The following TAF4B variants were observed in gnomAD, a reference collection of about 807,000 sequenced individuals.
TAF4B encodes transcription initiation factor TFIID subunit 4B.
In TAF4B, 38 loss-of-function variants were observed where a neutral mutation model predicts 86.4. The ratio of observed to expected loss-of-function variants is 0.44; its 90% CI spans 0.34 to 0.58. The LOEUF (loss-of-function observed/expected upper bound fraction) is 0.58. TAF4B is among the 20% of genes least tolerant of loss of function. TAF4B has a pLI of 0.02. For synonymous variants in TAF4B, 388 were observed against 391.2 expected (o/e 0.99, Z 0.10); for missense variants, 988 against 1,027.6 (o/e 0.96, Z 0.53).
chr18:26,316,646 A>G (rs1024087863), intron 10 of TAF4B, among the ~76,000 whole-genome samples: 2 of 152,074 alleles, frequency 1.3e-5, no homozygotes, highest in East Asian at 1.9e-4. Flanking sequence ...CCGCCTCCCA[A>G]AGTGCTGGGA....
intron 14 of TAF4B, among the ~76,000 whole-genome samples, chr18:26,387,124 G>A (rs1978417946): frequency 6.6e-6 from 1 of 152,100 alleles, no homozygotes; most frequent in African/African-American, 2.4e-5. Context: ...GGAGTGCAGT[G>A]GCATGATCTT....
intron 1 of TAF4B, among the ~76,000 whole-genome samples, chr18:26,240,514 A>G (rs1044004680): frequency 2.0e-5 from 3 of 152,198 alleles, no homozygotes; most frequent in Non-Finnish European, 4.4e-5. Context: ...TAAATATACA[A>G]TCATGTCATC....
Position 26,241,856 on chromosome 18 carries a change from C to G in TAF4B, c.343+14580C>G, listed in dbSNP as rs2055844635. Among the ~76,000 whole-genome samples the G allele has an allele frequency of 2.0e-5, 3 of 152,196 alleles. No homozygotes were observed. The South Asian group carries it at 6.2e-4, about 32-fold the overall frequency. On this transcript the variant is annotated intron_variant, in intron 1 of 14. Transcript: ENST00000269142. ...TTTCGTTATGTATCCAGTAGTCATTCAGGAGCAGGTTGTTCAGTTTCCATG... is the reference window on the plus strand; with the variant it reads ...TTTCGTTATGTATCCAGTAGTCATTGAGGAGCAGGTTGTTCAGTTTCCATG...
At chr18:26,321,870 G>A (rs1044967253) in intron 11 of TAF4B, among the ~76,000 whole-genome samples, 1 of 152,034 alleles carries the variant, frequency 6.6e-6, no homozygotes, top group African/African-American at 2.4e-5. Flanking sequence ...ATTGCATTGA[G>A]TGCTCATATT....
At chr18:26,370,431 A>C (rs2144342372) in intron 14 of TAF4B, among the ~76,000 whole-genome samples, 1 of 152,292 alleles carries the variant, frequency 6.6e-6, no homozygotes, top group Admixed American at 6.5e-5. Flanking sequence ...TGAACTCCTC[A>C]GTTCTATTTC....
At chr18:26,292,221 A>G (rs897868077) in intron 7 of TAF4B, 25 bp from the exon 8 acceptor site, 2 of 1,609,774 alleles carry the variant, frequency 1.2e-6, no homozygotes, top group Non-Finnish European at 1.7e-6. Flanking sequence ...TTGAACAACT[A>G]TATTGATAGT....
intron 1 of TAF4B, among the ~76,000 whole-genome samples, chr18:26,258,891 G>T (rs903635525): frequency 6.6e-5 from 10 of 151,088 alleles, no homozygotes; most frequent in African/African-American, 2.4e-4. Context: ...TAGAGATGGG[G>T]TCTTGCTTTG....
chr18:26,245,151 T>C (rs2055903485), intron 1 of TAF4B, among the ~76,000 whole-genome samples: 1 of 152,054 alleles, frequency 6.6e-6, no homozygotes, highest in Non-Finnish European at 1.5e-5. Flanking sequence ...GGCCAACAGG[T>C]GCCCAGTATT....
intron 13 of TAF4B, among the ~76,000 whole-genome samples, chr18:26,346,807 A>ATATATGTG (rs2057191457): frequency 6.4e-5 from 2 of 31,456 alleles, no homozygotes; most frequent in Non-Finnish European, 9.4e-5. Flanking sequence ...ATGTGTATAT[A>ATATATGTG]TATATATATG....
intron 5 of TAF4B, among the ~76,000 whole-genome samples, chr18:26,278,554 C>T (rs889632651): frequency 6.6e-6 from 1 of 151,930 alleles, no homozygotes; most frequent in African/African-American, 2.4e-5. Context: ...AGCGATCCTG[C>T]ACCCTTGGCC....
chr18:26,346,907 G>GTGTATATATATATATATATATA (rs1171773933), intron 13 of TAF4B, among the ~76,000 whole-genome samples: 3 of 11,218 alleles, frequency 2.7e-4, no homozygotes, highest in Non-Finnish European at 2.6e-4. Flanking sequence ...ATATGTGTGT[G>GTGTATATATATATATATATATA]TATATATATA....
intron 13 of TAF4B, among the ~76,000 whole-genome samples, chr18:26,346,901 G>A (rs1310935673): frequency 0.3 from 2,220 of 7,494 alleles, 557 homozygotes; most frequent in African/African-American, 0.41. Context: ...ATATATATAT[G>A]TGTGTGTATA....
At chr18:26,306,640 C>T (rs1224538098) in intron 9 of TAF4B, among the ~76,000 whole-genome samples, 1 of 152,096 alleles carries the variant, frequency 6.6e-6, no homozygotes, top group African/African-American at 2.4e-5. Context: ...TACAAAGGTG[C>T]ACTTTTCATT....
At chr18:26,350,639 A>T (rs1371588054) in intron 13 of TAF4B, among the ~76,000 whole-genome samples, 2 of 152,202 alleles carry the variant, frequency 1.3e-5, no homozygotes, top group East Asian at 1.9e-4. Context: ...TCATGGTACT[A>T]CATACTATCA....
At chr18:26,271,502 T>C (rs899789848) in intron 3 of TAF4B, among the ~76,000 whole-genome samples, 1 of 152,256 alleles carries the variant, frequency 6.6e-6, no homozygotes, top group African/African-American at 2.4e-5. Context: ...ACACATTTAT[T>C]TCACATATAC....
rs1428551391 is a variant in TAF4B, at chr18:26,346,905, GTGTATATA to G, written c.2317-10783_2317-10776del. ...TATATATATATATATATATATGTGT[GTGTATATA>G]TATATATATAGTTTTTTGTTGTTTT... On this transcript the variant is annotated intron_variant, in intron 13 of 14. Coordinates refer to ENST00000269142, the MANE Select transcript of TAF4B (RefSeq NM_005640.3). Among the ~76,000 whole-genome samples, 31 of 7,820 alleles carry G rather than the reference GTGTATATA, an allele frequency of 4.0e-3. 7 individuals are homozygous for G. Among genetic ancestry groups the G allele is most frequent in the Admixed American group, 0.013 (11 of 870 alleles). 5.1% of individuals were successfully genotyped at this position (7,820 alleles called of 152,430 possible).
chr18:26,302,343 T>C (rs2056742931), intron 9 of TAF4B, among the ~76,000 whole-genome samples: 1 of 148,016 alleles, frequency 6.8e-6, no homozygotes, highest in Admixed American at 6.8e-5. Flanking sequence ...CTATATTGTC[T>C]TCTAAAAGTT....
At position 26,286,027 on chromosome 18, in the gene TAF4B, C is replaced by T; in HGVS notation, c.1118C>T (p.Ser373Leu). 1.2e-6 allele frequency: 2 copies of T among 1,613,730 alleles called. No individual in the cohort carries two copies. The highest frequency in any genetic ancestry group is 2.2e-5 in the East Asian group (1 of 44,826). The change falls in exon 7 of 15, where the codon TCA (serine) becomes TTA (leucine). Residue 373 changes from serine to leucine, a missense_variant. By Grantham distance (145) the Ser-to-Leu change is moderately radical. Transcript: ENST00000269142. ...TSPVVTTTVS[S>L]SQSEKSIIVS... Reference sequence around the variant, plus strand: ...CCTGTGGTGACAACTACAGTGTCCTCAAGCCAGTCTGAAAAGTCAATTATT... The same window carrying T: ...CCTGTGGTGACAACTACAGTGTCCTTAAGCCAGTCTGAAAAGTCAATTATT...
chr18:26,379,576 A>C (rs536689116), intron 14 of TAF4B, among the ~76,000 whole-genome samples: 1 of 152,166 alleles, frequency 6.6e-6, no homozygotes, highest in African/African-American at 2.4e-5. Context: ...GCCATACTAC[A>C]ATCTCTCTTG....
Sources: allele counts gnomAD v4.1 joint callset (sites outside exome capture counted in the v4.1 genomes callset), GRCh38; gene constraint gnomAD v4.1.1; transcripts MANE v1.5; gene names NCBI Gene and HGNC (gene_info 2026-07-23, HGNC 2026-07-21).